Variants in YKT6 observed in about 807,000 individuals in gnomAD.
The protein encoded by YKT6 is YKT6 vesicular SNARE protein, also known as synaptobrevin homolog YKT6.
In YKT6, 12 loss-of-function variants were observed where a neutral mutation model predicts 29.3. That is an observed-to-expected ratio of 0.41 (90% confidence interval 0.26 to 0.66). YKT6 has a LOEUF of 0.66. YKT6 is among the 30% of genes least tolerant of loss of function. The pLI is 0.32. For missense variants in YKT6, 188 were observed against 243.8 expected (o/e 0.77, Z 1.52); for synonymous variants, 86 against 94.3 (o/e 0.91, Z 0.51).
At chr7:44,207,857 C>G (rs1273414621) in intron 4 of YKT6, among the ~76,000 whole-genome samples, 1 of 152,120 alleles carries the variant, frequency 6.6e-6, no homozygotes, top group Non-Finnish European at 1.5e-5. Flanking sequence ...TCCCGAGTAG[C>G]TGGGATTACA....
chr7:44,210,910 T>G, intron 5 of YKT6, 113 bp from the exon 6 acceptor site: 1 of 992,136 alleles, frequency 1.0e-6, no homozygotes, highest in Non-Finnish European at 1.6e-6. Context: ...GTGAAGTTTG[T>G]GTGTGTTGGA....
At chr7:44,212,118 A>G (rs1583651332) in intron 6 of YKT6, 129 bp from the exon 7 acceptor site, 1 of 1,101,900 alleles carries the variant, frequency 9.1e-7, no homozygotes, top group Non-Finnish European at 1.4e-6. Context: ...CTCCACCCCC[A>G]CCCTGTTCTA....
chr7:44,212,576 A>C lies in YKT6; in HGVS notation c.*294A>C. On this transcript the variant is annotated 3_prime_UTR_variant, in exon 7 of 7. Coordinates refer to ENST00000223369, the MANE Select transcript of YKT6 (RefSeq NM_006555.4). ...GATGCCAAAGGGCTCTTTTTCAGCT[A>C]ACCCTGGGAAGGCTCTGTGGGAGGG... 2.4e-6 allele frequency: 1 copy of C among 409,912 alleles called. No individual in the cohort carries two copies. The highest frequency in any genetic ancestry group is 4.3e-6 in the Non-Finnish European group (1 of 230,432). The allele number at this position is 409,912 out of a possible 1,614,324, so 25.4% of individuals were successfully genotyped here.
intron 2 of YKT6, among the ~76,000 whole-genome samples, chr7:44,205,562 A>G (rs908857665): frequency 4.0e-5 from 6 of 151,676 alleles, no homozygotes; most frequent in African/African-American, 1.2e-4. Context: ...CTCCTCTTTT[A>G]TTTGTTTTTC....
chr7:44,204,565 T>A lies in YKT6; in HGVS notation c.105-3T>A, dbSNP rs1192559439. 1 of 1,614,176 alleles carries A rather than the reference T, an allele frequency of 6.2e-7. No individual in the cohort carries two copies. Among genetic ancestry groups the A allele is most frequent in the Admixed American group, 1.7e-5 (1 of 60,032 alleles). ...GGCAATAAATACATTTTGTGTTTCTTAGCGTTCAGGAATTCATGACCTTCA... is the reference window on the plus strand; with the variant it reads ...GGCAATAAATACATTTTGTGTTTCTAAGCGTTCAGGAATTCATGACCTTCA... On this transcript the variant is annotated splice_polypyrimidine_tract_variant and splice_region_variant and intron_variant, in intron 1 of 6. Transcript: ENST00000223369.
Position 44,212,995 on chromosome 7 carries a change from G to C in YKT6, c.*713G>C, listed in dbSNP as rs1160247863. Reference sequence around the variant, plus strand: ...AGGAGCTGCATTGTGGGCGGGGAGTGTGTGGGTTGGGTTCGTACCAGCAAG... The same window carrying C: ...AGGAGCTGCATTGTGGGCGGGGAGTCTGTGGGTTGGGTTCGTACCAGCAAG... On this transcript the variant is annotated 3_prime_UTR_variant, in exon 7 of 7. Transcript: ENST00000223369. 6.6e-6 allele frequency: 1 copy of C among 152,280 alleles called. No individual in the cohort carries two copies. The highest frequency in any genetic ancestry group is 1.5e-5 in the Non-Finnish European group (1 of 68,068). The allele number at this position is 152,280 out of a possible 1,614,324, so 9.4% of individuals were successfully genotyped here.
In YKT6 at chr7:44,208,140, G is replaced by A. The variant is rs2096342920; in HGVS notation, c.401G>A (p.Arg134Gln). The change falls in exon 5 of 7, where the codon CGA (arginine) becomes CAA (glutamine). Residue 134 changes from arginine to glutamine, a missense_variant. Arg to Gln is a conservative substitution (Grantham distance 43). Around this residue, in one of 3 missense-constraint regions of YKT6, gnomAD observed 100 missense variants for 136.3 expected, o/e 0.73. Transcript: ENST00000223369. ...DGHLSRYQNP[R>Q]EADPMTKVQA... ...TTTTTCACTCTTTCCTAGAACCCAC[G>A]AGAAGCTGATCCCATGACTAAAGTG... 8.1e-6 allele frequency: 13 copies of A among 1,614,004 alleles called. No homozygotes were observed. Among genetic ancestry groups the A allele is most frequent in the South Asian group, 1.1e-5 (1 of 91,058 alleles).
intron 6 of YKT6, chr7:44,211,677 A>G: frequency 2.1e-6 from 2 of 952,010 alleles, no homozygotes; most frequent in Non-Finnish European, 2.5e-6. Flanking sequence ...GGACAAATTT[A>G]CTTGGTCTGT....
chr7:44,206,656 G>A (rs1287785068), intron 3 of YKT6, among the ~76,000 whole-genome samples, 171 bp downstream of exon 3: 2 of 152,194 alleles, frequency 1.3e-5, no homozygotes, highest in East Asian at 1.9e-4. Context: ...TGGCATCCCT[G>A]TATGGGTTTC....
intron 1 of YKT6, among the ~76,000 whole-genome samples, chr7:44,203,317 C>G (rs1172697098): frequency 2.0e-5 from 3 of 152,214 alleles, no homozygotes; most frequent in African/African-American, 7.2e-5. Flanking sequence ...TGGTCTCGAA[C>G]TCCTGAGCTC....
chr7:44,208,232 T>C, intron 5 of YKT6, 34 bp downstream of exon 5: 1 of 1,611,872 alleles, frequency 6.2e-7, no homozygotes, highest in Non-Finnish European at 8.5e-7. Flanking sequence ...GCCCAAGAAC[T>C]GAGGCGGGGG....
chr7:44,210,113 G>T (rs1202257459), intron 5 of YKT6, among the ~76,000 whole-genome samples: 1 of 152,116 alleles, frequency 6.6e-6, no homozygotes, highest in African/African-American at 2.4e-5. Context: ...AATGAAGCAT[G>T]TGTGAGTTTG....
chr7:44,214,175 T>C lies in YKT6; in HGVS notation c.*1893T>C, dbSNP rs1216816990. The C allele has an allele frequency of 6.6e-6, 1 of 152,114 alleles. No individual in the cohort carries two copies. Among genetic ancestry groups the C allele is most frequent in the African/African-American group, 2.4e-5 (1 of 41,452 alleles). The allele number at this position is 152,114 out of a possible 1,614,324, so 9.4% of individuals were successfully genotyped here. On this transcript the variant is annotated 3_prime_UTR_variant, in exon 7 of 7. Coordinates refer to ENST00000223369, the MANE Select transcript of YKT6 (RefSeq NM_006555.4). ...AGCCCAGCCCCACCCACAGATCCCC[T>C]GCTCCTGTTGTGTTCTGTTGTAAAT...
chr7:44,209,620 G>A (rs2096344564), intron 5 of YKT6, among the ~76,000 whole-genome samples: 1 of 152,234 alleles, frequency 6.6e-6, no homozygotes, highest in Non-Finnish European at 1.5e-5. Flanking sequence ...TTAACTTTCT[G>A]TGTTAAAAAT....
chr7:44,207,953 A>C (rs922827841), intron 4 of YKT6, among the ~76,000 whole-genome samples, 180 bp from the exon 5 acceptor site: 1 of 151,900 alleles, frequency 6.6e-6, no homozygotes, highest in South Asian at 2.1e-4. Context: ...CGAACTCTTG[A>C]TCTCTGGTGA....
intron 2 of YKT6, 130 bp from the exon 3 acceptor site, chr7:44,206,255 C>A: frequency 1.1e-6 from 1 of 873,350 alleles, no homozygotes; most frequent in Non-Finnish European, 1.8e-6. Flanking sequence ...CTCCACAAGA[C>A]TTGCCCAGAG....
intron 1 of YKT6, among the ~76,000 whole-genome samples, chr7:44,201,771 C>G (rs2128838025): frequency 6.6e-6 from 1 of 152,272 alleles, no homozygotes; most frequent in Middle Eastern, 3.4e-3. Context: ...CGGGGCTTCC[C>G]AACAATTCTG....
At chr7:44,208,379 C>G (rs1412416415) in intron 5 of YKT6, 181 bp downstream of exon 5, 2 of 605,540 alleles carry the variant, frequency 3.3e-6, no homozygotes, top group Non-Finnish European at 5.7e-6. Flanking sequence ...ATACCCTTCT[C>G]TTGGTTAATG....
chr7:44,203,574 A>G (rs1434293822), intron 1 of YKT6, among the ~76,000 whole-genome samples: 1 of 152,210 alleles, frequency 6.6e-6, no homozygotes, highest in Non-Finnish European at 1.5e-5. Flanking sequence ...GGTTTACTGC[A>G]AAGCCTTCCT....
Sources: gnomAD v4.1 joint callset for allele counts (sites outside exome capture counted in the v4.1 genomes callset) on GRCh38, gnomAD v4.1.1 for gene constraint, gnomAD v4.1.1 regional missense constraint, MANE v1.5 for transcripts, NCBI Gene and HGNC (gene_info 2026-07-23, HGNC 2026-07-21) for gene names.